ADGRB3: variants seen among roughly 807,000 people sequenced by gnomAD.
ADGRB3 encodes adhesion G protein-coupled receptor B3.
A neutral mutation model predicts 193.4 loss-of-function variants in ADGRB3; 37 were observed. The observed-to-expected ratio is 0.19, with a 90% CI of 0.15 to 0.25. The LOEUF is 0.25. Among genes scored for constraint, ADGRB3 ranks in the 10% least tolerant of loss-of-function variants. The pLI, the probability that ADGRB3 is intolerant of heterozygous loss-of-function variation, is 1.00. For missense variants in ADGRB3, 1,637 were observed against 1,852.9 expected (o/e 0.88, Z 2.14); for synonymous variants, 690 against 644.2 (o/e 1.07, Z -1.08).
At chr6:68,834,570 A>G (rs1278881388) in intron 3 of ADGRB3, among the ~76,000 whole-genome samples, 2 of 152,152 alleles carry the variant, frequency 1.3e-5, no homozygotes, top group African/African-American at 2.4e-5. Context: ...AAAAATAGCC[A>G]CTTTTTGTGA....
At chr6:68,973,572 G>A (rs1220851950) in intron 8 of ADGRB3, among the ~76,000 whole-genome samples, 1 of 152,124 alleles carries the variant, frequency 6.6e-6, no homozygotes, top group Non-Finnish European at 1.5e-5. Context: ...ACACTCCTGT[G>A]TTTATTTAGG....
chr6:69,253,154 T>C (rs1477192043), intron 20 of ADGRB3, among the ~76,000 whole-genome samples: 1 of 152,082 alleles, frequency 6.6e-6, no homozygotes, highest in Admixed American at 6.6e-5. Context: ...TCTTTCCTTA[T>C]GTCGATGCCA....
chr6:68,741,157 G>A (rs1381058950), intron 3 of ADGRB3, among the ~76,000 whole-genome samples: 1 of 152,088 alleles, frequency 6.6e-6, no homozygotes, highest in Admixed American at 6.5e-5. Context: ...TGTCTGCATA[G>A]GGCTTCCTAT....
intron 17 of ADGRB3, among the ~76,000 whole-genome samples, chr6:69,216,279 T>C (rs1040394706): frequency 6.6e-6 from 1 of 152,192 alleles, no homozygotes; most frequent in African/African-American, 2.4e-5. Context: ...AGACTATTGC[T>C]TGGGGCCACT....
chr6:68,842,251 A>T (rs913662756), intron 3 of ADGRB3, among the ~76,000 whole-genome samples: 2 of 152,008 alleles, frequency 1.3e-5, no homozygotes, highest in Non-Finnish European at 2.9e-5. Flanking sequence ...GTTCTTTGAA[A>T]AGATAAATAA....
At chr6:69,153,551 A>G (rs1750084924) in intron 17 of ADGRB3, among the ~76,000 whole-genome samples, 1 of 152,184 alleles carries the variant, frequency 6.6e-6, no homozygotes. Context: ...AAGGTATGAC[A>G]GCATAGCCTT....
intron 17 of ADGRB3, among the ~76,000 whole-genome samples, chr6:69,159,825 A>G (rs1371453409): frequency 6.6e-6 from 1 of 152,114 alleles, no homozygotes; most frequent in Non-Finnish European, 1.5e-5. Context: ...TGAATAGCAT[A>G]TATGCTTTAT....
chr6:68,706,938 C>T (rs935909193), intron 3 of ADGRB3, among the ~76,000 whole-genome samples: 12 of 151,850 alleles, frequency 7.9e-5, no homozygotes, highest in African/African-American at 2.9e-4. Context: ...AGCGAAACCC[C>T]GTCTCTACTA....
rs1554252085 is a variant in ADGRB3 at position 69,043,310 on chromosome 6, A to AAGAAAGAAAGAAAGAAAGAAAG, written c.2108-4865_2108-4844dup. 1.0e-3 allele frequency among the ~76,000 whole-genome samples: 157 copies of AAGAAAGAAAGAAAGAAAGAAAG among 150,624 alleles called. 2 individuals are homozygous for AAGAAAGAAAGAAAGAAAGAAAG. Among genetic ancestry groups the AAGAAAGAAAGAAAGAAAGAAAG allele is most frequent in the African/African-American group, 3.7e-3 (150 of 40,550 alleles). ...AAAGAGAGAAAGAAAGAAAGAAAGA[A>AAGAAAGAAAGAAAGAAAGAAAG]AGAAAGAAAGAAAGAAAGAAAGAGA... is the stretch of plus-strand genomic sequence containing the variant. On this transcript the variant is annotated intron_variant, in intron 13 of 31. Coordinates refer to ENST00000370598, the MANE Select transcript of ADGRB3 (RefSeq NM_001704.3).
intron 3 of ADGRB3, among the ~76,000 whole-genome samples, chr6:68,900,083 G>A (rs969798958): frequency 1.3e-5 from 2 of 151,968 alleles, no homozygotes; most frequent in Non-Finnish European, 2.9e-5. Context: ...TCAGTAAATA[G>A]CAGTTAAATG....
intron 23 of ADGRB3, chr6:69,332,213 G>T (rs1371825081): frequency 1.0e-6 from 1 of 985,140 alleles, no homozygotes; most frequent in Non-Finnish European, 1.2e-6. Flanking sequence ...ACTTGAAAAA[G>T]GAAAAATATG....
intron 17 of ADGRB3, among the ~76,000 whole-genome samples, chr6:69,131,722 A>G (rs1315710411): frequency 3.9e-5 from 6 of 151,958 alleles, no homozygotes; most frequent in Non-Finnish European, 4.4e-5. Context: ...GGTTTGCTAC[A>G]CCCATCGACC....
At chr6:68,971,555 C>T (rs1462848827) in intron 8 of ADGRB3, among the ~76,000 whole-genome samples, 2 of 152,174 alleles carry the variant, frequency 1.3e-5, no homozygotes, top group Non-Finnish European at 2.9e-5. Flanking sequence ...GGAGGAAGAG[C>T]GTAGGTTTCA....
At chr6:69,149,849 T>C (rs1774618126) in intron 17 of ADGRB3, among the ~76,000 whole-genome samples, 2 of 152,046 alleles carry the variant, frequency 1.3e-5, no homozygotes, top group Admixed American at 6.6e-5. Context: ...TTCCCTGGGT[T>C]ATTCTCTTCG....
At chr6:69,234,946 G>A (rs1199323371) in intron 18 of ADGRB3, 86 bp from the exon 19 acceptor site, 1 of 1,029,284 alleles carries the variant, frequency 9.7e-7, no homozygotes, top group Non-Finnish European at 1.5e-6. Context: ...CTATTTTTGA[G>A]TGATAGGTTA....
At chr6:68,910,738 G>C (rs1766679621) in intron 3 of ADGRB3, among the ~76,000 whole-genome samples, 1 of 152,066 alleles carries the variant, frequency 6.6e-6, no homozygotes. Flanking sequence ...TTATTTCTGA[G>C]GGCTCTGTTC....
chr6:68,990,588 C>G (rs1769211099), intron 10 of ADGRB3, among the ~76,000 whole-genome samples: 1 of 152,156 alleles, frequency 6.6e-6, no homozygotes. Flanking sequence ...GATGCTGACC[C>G]AGACGTGACA....
At chr6:69,333,951 T>C (rs796598107) in intron 24 of ADGRB3, among the ~76,000 whole-genome samples, 50 of 8,230 alleles carry the variant, frequency 6.1e-3, no homozygotes, top group African/African-American at 0.029. Flanking sequence ...TAAAATAAAA[T>C]AAAATAAAAT....
chr6:69,169,339 T>TA (rs1272514948), intron 17 of ADGRB3, among the ~76,000 whole-genome samples: 3 of 152,004 alleles, frequency 2.0e-5, no homozygotes, highest in Non-Finnish European at 4.4e-5. Flanking sequence ...TATAACTTCG[T>TA]ATTAGAGTTT....
Sources: gnomAD v4.1 joint callset for allele counts (sites outside exome capture counted in the v4.1 genomes callset) on GRCh38, gnomAD v4.1.1 for gene constraint, MANE v1.5 for transcripts, NCBI Gene and HGNC (gene_info 2026-07-23, HGNC 2026-07-21) for gene names.